AKAP8L: variants seen among roughly 807,000 people sequenced by gnomAD.
AKAP8L encodes the protein A-kinase anchoring protein 8 like.
AKAP8L carries 34 observed loss-of-function variants against 77.5 expected under a neutral mutation model. The ratio of observed to expected loss-of-function variants is 0.44; its 90% CI spans 0.33 to 0.58. The LOEUF (loss-of-function observed/expected upper bound fraction) is 0.58, where lower values mean the gene tolerates loss of function less well. Among genes scored for constraint, AKAP8L ranks in the 20% least tolerant of loss-of-function variants. AKAP8L has a pLI of 0.02. For synonymous variants in AKAP8L, 342 were observed against 340.7 expected (o/e 1.00, Z -0.04); for missense variants, 806 against 887.6 (o/e 0.91, Z 1.17).
chr19:15,398,920 G>A lies in AKAP8L; in HGVS notation c.1157+382C>T. On this transcript the variant is annotated intron_variant, in intron 9 of 13. Coordinates refer to ENST00000397410, the MANE Select transcript of AKAP8L (RefSeq NM_014371.4). The surrounding 1 kb of genome is among the most constrained non-coding windows in gnomAD (Gnocchi z 9.2). Reference sequence around the variant, plus strand: ...TCCTGGGCACGGCGGTGGCCTCTTGGCAGCTAGCTGGGGCGGCACAGGCGC... The same window carrying A: ...TCCTGGGCACGGCGGTGGCCTCTTGACAGCTAGCTGGGGCGGCACAGGCGC... 1 of 598,806 alleles carries A rather than the reference G, an allele frequency of 1.7e-6. No homozygotes were observed. Among genetic ancestry groups the A allele is most frequent in the Non-Finnish European group, 2.3e-6 (1 of 439,366 alleles). 37.1% of individuals were successfully genotyped at this position (598,806 alleles called of 1,614,324 possible). A position where few individuals can be genotyped will look rare whatever the true frequency, so the allele number is the denominator to read the frequency against.
intron 12 of AKAP8L, among the ~76,000 whole-genome samples, chr19:15,389,798 C>G (rs954055747): frequency 6.6e-6 from 1 of 151,996 alleles, no homozygotes; most frequent in Non-Finnish European, 1.5e-5. Context: ...CCAACAAACT[C>G]CACGTAGAAT....
Position 15,398,106 on chromosome 19 carries a change from G to C in AKAP8L, c.1158-251C>G. On this transcript the variant is annotated intron_variant, in intron 9 of 13. Coordinates refer to ENST00000397410, the MANE Select transcript of AKAP8L (RefSeq NM_014371.4). This position sits in a 1 kb window ranked among gnomAD's most constrained non-coding sequence, Gnocchi z 9.2. ...TCCTTCCCACAGGCAGGAGGCTGAA[G>C]CCTGAGACAGCAGCTGCTGCAACAG... 1.9e-6 allele frequency: 1 copy of C among 514,486 alleles called. No homozygotes were observed. The highest frequency in any genetic ancestry group is 3.5e-6 in the Non-Finnish European group (1 of 285,548). 31.9% of individuals were successfully genotyped at this position (514,486 alleles called of 1,614,324 possible). A position where few individuals can be genotyped will look rare whatever the true frequency, so the allele number is the denominator to read the frequency against.
chr19:15,400,918 A>G lies in AKAP8L; in HGVS notation c.913+29T>C, dbSNP rs764407267. 18 of 1,613,738 alleles carry G rather than the reference A, an allele frequency of 1.1e-5. No homozygotes were observed. In the African/African-American group the frequency reaches 2.3e-4, roughly 20 times the overall value. On this transcript the variant is annotated intron_variant, in intron 6 of 13. Transcript: ENST00000397410. ...CCAGGAGTTCCCAGAGGCAGGGGGCAGCCGCCCAGTACCACCTAGTGGGCT... is the reference window on the plus strand; with the variant it reads ...CCAGGAGTTCCCAGAGGCAGGGGGCGGCCGCCCAGTACCACCTAGTGGGCT...
chr19:15,380,432 T>C lies in AKAP8L; in HGVS notation c.1633-2A>G. Reference sequence around the variant, plus strand: ...GCTGTCGGTGAAAGGGTTCTCGCCCTGTGGGGAGGGGCGCGGACACTGAAG... The same window carrying C: ...GCTGTCGGTGAAAGGGTTCTCGCCCCGTGGGGAGGGGCGCGGACACTGAAG... On this transcript the variant is annotated splice_acceptor_variant, in intron 13 of 13. Transcript: ENST00000397410. LOFTEE classifies it high-confidence loss of function. 6.2e-7 allele frequency: 1 copy of C among 1,607,468 alleles called. No individual in the cohort carries two copies. Among genetic ancestry groups the C allele is most frequent in the African/African-American group, 1.3e-5 (1 of 74,950 alleles).
chr19:15,400,213 C>T (rs1397240172), intron 8 of AKAP8L, 82 bp downstream of exon 8: 2 of 1,467,792 alleles, frequency 1.4e-6, no homozygotes, highest in African/African-American at 1.4e-5. Flanking sequence ...ATGTCTGCCG[C>T]AACCCTGCCC....
Position 15,400,774 on chromosome 19 carries a change from GC to G in AKAP8L, c.984+19del. The G allele has an allele frequency of 6.2e-7, 1 of 1,613,690 alleles. No individual in the cohort carries two copies. The highest frequency in any genetic ancestry group is 8.5e-7 in the Non-Finnish European group (1 of 1,179,798). On this transcript the variant is annotated intron_variant, in intron 7 of 13. Transcript: ENST00000397410. ...CTCGCCCTGCCTGCAGACAGAAAATGCCCAGCCAGAGCCACTTACCACTCTG... is the reference window on the plus strand; with the variant it reads ...CTCGCCCTGCCTGCAGACAGAAAATGCCAGCCAGAGCCACTTACCACTCTG...
At chr19:15,404,180 G>A (rs370639408) in intron 2 of AKAP8L, 138 bp from the exon 3 acceptor site, 81 of 810,062 alleles carry the variant, frequency 1.0e-4, no homozygotes, top group African/African-American at 9.0e-4. Context: ...TTGAGCTCGC[G>A]AGCACTGCGC....
intron 12 of AKAP8L, among the ~76,000 whole-genome samples, chr19:15,384,833 A>T (rs1422607604): frequency 6.6e-6 from 1 of 152,232 alleles, no homozygotes; most frequent in East Asian, 1.9e-4. Context: ...TTATTTGCAC[A>T]TAAAGAGAGT....
Position 15,388,742 on chromosome 19 carries a change from C to T in AKAP8L, c.1537-8130G>A, listed in dbSNP as rs549453385. On this transcript the variant is annotated intron_variant, in intron 12 of 13. Coordinates refer to ENST00000397410, the MANE Select transcript of AKAP8L (RefSeq NM_014371.4). ...CATCCTGGCTAACATGGTGAAACCC[C>T]GTCTCTACTAAAAATACAAAAAAAT... 1.1e-3 allele frequency among the ~76,000 whole-genome samples: 172 copies of T among 151,428 alleles called. 1 individual carries two copies. Among genetic ancestry groups the T allele is most frequent in the Non-Finnish European group, 1.9e-3 (126 of 67,914 alleles).
chr19:15,395,386 G>A (rs976110434), intron 12 of AKAP8L, among the ~76,000 whole-genome samples: 1 of 151,844 alleles, frequency 6.6e-6, no homozygotes, highest in African/African-American at 2.4e-5. Context: ...CGCAATCTCG[G>A]CTCACTGCCA....
intron 4 of AKAP8L, among the ~76,000 whole-genome samples, chr19:15,402,509 A>G (rs528145800): frequency 1.3e-5 from 2 of 152,312 alleles, no homozygotes; most frequent in South Asian, 4.1e-4. Context: ...GAAGGTGCAT[A>G]GCAGCAACGC....
Position 15,397,982 on chromosome 19 carries a change from G to T in AKAP8L, c.1158-127C>A. On this transcript the variant is annotated intron_variant, in intron 9 of 13. Coordinates refer to ENST00000397410, the MANE Select transcript of AKAP8L (RefSeq NM_014371.4). This position sits in a 1 kb window ranked among gnomAD's most constrained non-coding sequence, Gnocchi z 4.7. ...CACGGGCCTCTGAAGTACGGTCCCAGCAGAGGGACAGGCTGGGACCAGTGG... is the reference window on the plus strand; with the variant it reads ...CACGGGCCTCTGAAGTACGGTCCCATCAGAGGGACAGGCTGGGACCAGTGG... The T allele has an allele frequency of 8.2e-7, 1 of 1,221,240 alleles. No individual in the cohort carries two copies. Among genetic ancestry groups the T allele is most frequent in the Non-Finnish European group, 1.1e-6 (1 of 881,298 alleles). The allele number at this position is 1,221,240 out of a possible 1,614,324, so 75.7% of individuals were successfully genotyped here.
chr19:15,404,403 G>C (rs892326381), intron 2 of AKAP8L: 1 of 231,054 alleles, frequency 4.3e-6, no homozygotes, highest in African/African-American at 2.3e-5. Flanking sequence ...TCTCCCAAGA[G>C]TCTGCCTTAA....
chr19:15,403,267 C>T lies in AKAP8L; in HGVS notation c.362+208G>A, dbSNP rs1967933328. ...TCACCGCAAGCTGGGAAAGGCTGAC[C>T]ACCAGGCAGTGCGGCAGGGGTTGAG... On this transcript the variant is annotated intron_variant, in intron 4 of 13. Coordinates refer to ENST00000397410, the MANE Select transcript of AKAP8L (RefSeq NM_014371.4). The surrounding 1 kb of genome is among the most constrained non-coding windows in gnomAD (Gnocchi z 4.3). The T allele has an allele frequency of 5.1e-6, 3 of 585,314 alleles. No homozygotes were observed. Among genetic ancestry groups the T allele is most frequent in the Admixed American group, 3.0e-5 (1 of 33,756 alleles). 36.3% of individuals were successfully genotyped at this position (585,314 alleles called of 1,614,324 possible). A position where few individuals can be genotyped will look rare whatever the true frequency, so the allele number is the denominator to read the frequency against.
At chr19:15,412,572 G>A (rs923166221) in intron 1 of AKAP8L, among the ~76,000 whole-genome samples, 6 of 152,008 alleles carry the variant, frequency 3.9e-5, no homozygotes, top group East Asian at 1.9e-4. Flanking sequence ...TTTTTGAGAC[G>A]GAGTCTCGCA....
chr19:15,402,741 T>C (rs1371850159), intron 4 of AKAP8L, among the ~76,000 whole-genome samples: 1 of 152,220 alleles, frequency 6.6e-6, no homozygotes, highest in South Asian at 2.1e-4. Context: ...ATGTTAGAGA[T>C]ACACCCACGC....
chr19:15,400,927 G>A lies in AKAP8L; in HGVS notation c.913+20C>T. 6.2e-7 allele frequency: 1 copy of A among 1,613,872 alleles called. No individual in the cohort carries two copies. Among genetic ancestry groups the A allele is most frequent in the South Asian group, 1.1e-5 (1 of 91,074 alleles). On this transcript the variant is annotated intron_variant, in intron 6 of 13. Transcript: ENST00000397410. ...CCCAGAGGCAGGGGGCAGCCGCCCA[G>A]TACCACCTAGTGGGCTCACCATTGT...
intron 1 of AKAP8L, 28 bp downstream of exon 1, chr19:15,418,883 G>A (rs1430471663): frequency 5.0e-6 from 8 of 1,596,970 alleles, no homozygotes; most frequent in Non-Finnish European, 6.0e-6. Flanking sequence ...CCCCCACGCA[G>A]AGCCCGACCC....
chr19:15,412,484 C>T (rs1310842357), intron 1 of AKAP8L, among the ~76,000 whole-genome samples: 3 of 151,956 alleles, frequency 2.0e-5, no homozygotes, highest in African/African-American at 4.8e-5. Flanking sequence ...ATGACTGATG[C>T]TAATCCTGAC....
Sources: allele counts gnomAD v4.1 joint callset (sites outside exome capture counted in the v4.1 genomes callset), GRCh38; gene constraint gnomAD v4.1.1; non-coding constraint Gnocchi (gnomAD v3.1); transcripts MANE v1.5; gene names NCBI Gene and HGNC (gene_info 2026-07-23, HGNC 2026-07-21).